Variants in G6PC2 observed in about 807,000 individuals in gnomAD.
G6PC2 encodes the protein glucose-6-phosphatase 2.
Under a neutral mutation model 35.4 loss-of-function variants are expected in G6PC2, and 41 were observed. The ratio of observed to expected loss-of-function variants is 1.16; its 90% CI spans 0.90 to 1.50. The LOEUF (loss-of-function observed/expected upper bound fraction) is 1.50, where lower values mean the gene tolerates loss of function less well. Ranked by LOEUF, G6PC2 falls within the 40% of genes most tolerant of loss-of-function variation. The pLI, the probability that G6PC2 is intolerant of heterozygous loss-of-function variation, is 0.00. For synonymous variants in G6PC2, 165 were observed against 153.2 expected (o/e 1.08, Z -0.57); for missense variants, 441 against 426.5 (o/e 1.03, Z -0.30).
In G6PC2 at chr2:168,908,276, A is replaced by T. The variant is rs1690769793; in HGVS notation, c.*197A>T. 5.0e-6 allele frequency: 3 copies of T among 604,158 alleles called. No homozygotes were observed. Among genetic ancestry groups the T allele is most frequent in the Non-Finnish European group, 8.8e-6 (3 of 340,898 alleles). 37.4% of individuals were successfully genotyped at this position (604,158 alleles called of 1,614,324 possible). On this transcript the variant is annotated 3_prime_UTR_variant, in exon 5 of 5. Transcript: ENST00000375363. ...TAATCCTTCAGTTACCAATATTTAG[A>T]TACAAGAATATTTGACATAAAAATC...
In G6PC2 at chr2:168,909,778, A is replaced by C. The variant is rs888461808; in HGVS notation, c.*1699A>C. On this transcript the variant is annotated 3_prime_UTR_variant, in exon 5 of 5. Transcript: ENST00000375363. ...CATTAATTATTTTAGATGACATATT[A>C]AATAATCTATGAATATTAATGAAAA... The C allele has an allele frequency of 6.6e-6, 1 of 152,228 alleles. No individual in the cohort carries two copies. Among genetic ancestry groups the C allele is most frequent in the Non-Finnish European group, 1.5e-5 (1 of 68,042 alleles). The allele number at this position is 152,228 out of a possible 1,614,324, so 9.4% of individuals were successfully genotyped here.
intron 4 of G6PC2, 142 bp from the exon 5 acceptor site, chr2:168,907,426 A>AT: frequency 1.2e-6 from 1 of 857,352 alleles, no homozygotes. Flanking sequence ...TGCCTAAAAA[A>AT]GGCTTTGGAA....
intron 3 of G6PC2, among the ~76,000 whole-genome samples, 157 bp from the exon 4 acceptor site, chr2:168,906,507 T>G (rs1234654726): frequency 1.3e-5 from 2 of 152,226 alleles, no homozygotes; most frequent in Non-Finnish European, 2.9e-5. Flanking sequence ...CTATGGGGTA[T>G]GTGGAAACAA....
Position 168,907,873 on chromosome 2 carries a change from T to G in G6PC2, c.862T>G (p.Tyr288Asp). Residue 288 changes from tyrosine to aspartate, a missense_variant, in exon 5 of 5, where the codon TAC becomes GAC. Physicochemically the swap from Tyr to Asp is radical, Grantham distance 160. Coordinates refer to ENST00000375363, the MANE Select transcript of G6PC2 (RefSeq NM_021176.3). Reference protein sequence around the residue: ...FLLSCRGGNNYTLSFRLLCAL... With the variant: ...FLLSCRGGNNDTLSFRLLCAL... ...CCTGAGCTGCCGAGGGGGAAATAAC[T>G]ACACACTGAGCTTCCGGTTGCTCTG... 6.2e-7 allele frequency: 1 copy of G among 1,613,828 alleles called. No individual in the cohort carries two copies. The highest frequency in any genetic ancestry group is 8.5e-7 in the Non-Finnish European group (1 of 1,179,728).
rs1468872585 is a variant in G6PC2 at position 168,901,317 on chromosome 2, T to G, written c.-15T>G. 1.4e-6 allele frequency: 2 copies of G among 1,413,238 alleles called. No homozygotes were observed. The highest frequency in any genetic ancestry group is 2.3e-5 in the South Asian group (2 of 87,184). The allele number at this position is 1,413,238 out of a possible 1,614,324, so 87.5% of individuals were successfully genotyped here. ...GCTCCAATTGCTCTATGTTTAGAAT[T>G]GCCTCTTTTTCAAGATGGATTTCCT... is the stretch of plus-strand genomic sequence containing the variant. On this transcript the variant is annotated 5_prime_UTR_variant, in exon 1 of 5. The change creates a new upstream start codon in the 5' untranslated region. Coordinates refer to ENST00000375363, the MANE Select transcript of G6PC2 (RefSeq NM_021176.3).
chr2:168,904,770 C>T (rs1480028422), intron 3 of G6PC2, among the ~76,000 whole-genome samples, 154 bp downstream of exon 3: 1 of 152,116 alleles, frequency 6.6e-6, no homozygotes, highest in African/African-American at 2.4e-5. Context: ...GAATAGAAAA[C>T]TAATATTTTG....
chr2:168,902,908 G>A (rs1179894969), intron 2 of G6PC2: 1 of 314,616 alleles, frequency 3.2e-6, no homozygotes, highest in African/African-American at 2.2e-5. Context: ...TGGTTAATCT[G>A]CTGCTAAGCA....
Position 168,908,582 on chromosome 2 carries a change from A to AT in G6PC2, c.*503_*504insT. 1 of 202,592 alleles carries AT rather than the reference A, an allele frequency of 4.9e-6. No individual in the cohort carries two copies. The highest frequency in any genetic ancestry group is 2.4e-5 in the African/African-American group (1 of 42,456). 12.5% of individuals were successfully genotyped at this position (202,592 alleles called of 1,614,324 possible). ...AAATGGAAGCCTATTTAGGTAAAAG[A>AT]ACTTGCCTGGAGTCACGCCACCTTC... On this transcript the variant is annotated 3_prime_UTR_variant, in exon 5 of 5. Transcript: ENST00000375363.
chr2:168,907,934 A>G lies in G6PC2; in HGVS notation c.923A>G (p.His308Arg). Residue 308 changes from histidine (H) to arginine (R), a missense_variant, in exon 5 of 5, where the codon CAT (histidine) becomes CGT (arginine). Transcript: ENST00000375363. ...TCATTGACAATACTGCAGCTCTACC[A>G]TTTCCTCCAGATCCCGACTCACGAA... Reference protein sequence around the residue: ...LTSLTILQLYHFLQIPTHEEH... With the variant: ...LTSLTILQLYRFLQIPTHEEH... The G allele has an allele frequency of 1.2e-6, 2 of 1,613,992 alleles. No homozygotes were observed. Among genetic ancestry groups the G allele is most frequent in the Non-Finnish European group, 1.7e-6 (2 of 1,179,972 alleles).
In G6PC2 at chr2:168,907,862, G is replaced by T. The variant is rs1282045935; in HGVS notation, c.851G>T (p.Gly284Val). The T allele has an allele frequency of 3.1e-6, 5 of 1,613,904 alleles. No homozygotes were observed. The highest frequency in any genetic ancestry group is 4.2e-6 in the Non-Finnish European group (5 of 1,179,926). Residue 284 changes from glycine (G) to valine (V), a missense_variant, in exon 5 of 5, where the codon GGG becomes GTG. Physicochemically the swap from Gly to Val is moderately radical, Grantham distance 109. Coordinates refer to ENST00000375363, the MANE Select transcript of G6PC2 (RefSeq NM_021176.3). ...GAGATGTTCCTCCTGAGCTGCCGAG[G>T]GGGAAATAACTACACACTGAGCTTC... ...NSEMFLLSCR[G>V]GNNYTLSFRL...
chr2:168,904,104 G>GT, intron 2 of G6PC2, among the ~76,000 whole-genome samples: 1 of 151,708 alleles, frequency 6.6e-6, no homozygotes, highest in Non-Finnish European at 1.5e-5. Context: ...AGTAATTGCG[G>GT]TTTTTGCCAT....
Position 168,901,306 on chromosome 2 carries a change from A to G in G6PC2, c.-26A>G, listed in dbSNP as rs767677848. ...AGAGCACTTCAGCTCCAATTGCTCTATGTTTAGAATTGCCTCTTTTTCAAG... is the reference window on the plus strand; with the variant it reads ...AGAGCACTTCAGCTCCAATTGCTCTGTGTTTAGAATTGCCTCTTTTTCAAG... On this transcript the variant is annotated 5_prime_UTR_variant, in exon 1 of 5. The change abolishes an upstream ATG in the 5' untranslated region. Coordinates refer to ENST00000375363, the MANE Select transcript of G6PC2 (RefSeq NM_021176.3). 2.3e-6 allele frequency: 3 copies of G among 1,282,070 alleles called. No homozygotes were observed. The highest frequency in any genetic ancestry group is 2.9e-5 in the African/African-American group (2 of 68,742). 79.4% of individuals were successfully genotyped at this position (1,282,070 alleles called of 1,614,324 possible).
intron 1 of G6PC2, among the ~76,000 whole-genome samples, 199 bp downstream of exon 1, chr2:168,901,748 T>A (rs958421233): frequency 6.6e-6 from 1 of 151,794 alleles, no homozygotes; most frequent in Non-Finnish European, 1.5e-5. Context: ...TTTTTTTTTT[T>A]TTTTTGAGAC....
chr2:168,906,719 A>G lies in G6PC2; in HGVS notation c.496A>G (p.Ile166Val), dbSNP rs888480597. The G allele has an allele frequency of 6.2e-7, 1 of 1,608,258 alleles. No homozygotes were observed. The highest frequency in any genetic ancestry group is 8.5e-7 in the Non-Finnish European group (1 of 1,174,642). Residue 166 changes from isoleucine to valine, a missense_variant, in exon 4 of 5, where the codon ATC becomes GTC. Transcript: ENST00000375363. ...VFWLIQISVC[I>V]SRVFIATHFP... Reference sequence around the variant, plus strand: ...TTGGTTGATTCAAATCAGTGTCTGCATCTCCAGAGTATTCATAGCAACACA... The same window carrying G: ...TTGGTTGATTCAAATCAGTGTCTGCGTCTCCAGAGTATTCATAGCAACACA...
At chr2:168,905,761 CTGAG>C (rs1402503108) in intron 3 of G6PC2, among the ~76,000 whole-genome samples, 1 of 152,100 alleles carries the variant, frequency 6.6e-6, no homozygotes, top group Non-Finnish European at 1.5e-5. Context: ...TAAAATTTTA[CTGAG>C]TGTGTGCTTC....
rs761866606 is a variant in G6PC2 at position 168,906,666 on chromosome 2, T to C, written c.443T>C (p.Leu148Pro). 6.6e-7 allele frequency: 1 copy of C among 1,520,464 alleles called. No homozygotes were observed. The highest frequency in any genetic ancestry group is 1.1e-5 in the South Asian group (1 of 89,154). The allele number at this position is 1,520,464 out of a possible 1,614,324, so 94.2% of individuals were successfully genotyped here. A position where few individuals can be genotyped will look rare whatever the true frequency, so the allele number is the denominator to read the frequency against. The part of the protein sequence containing the change: ...MDKFSITLHR[L>P]TWSFLWSVFW... ...TTGTATCTATTCTTCCATCGTAGACTGACCTGGTCATTTCTTTGGAGTGTT... is the reference window on the plus strand; with the variant it reads ...TTGTATCTATTCTTCCATCGTAGACCGACCTGGTCATTTCTTTGGAGTGTT... Residue 148 changes from leucine to proline, a missense_variant and splice_region_variant, in exon 4 of 5, where the codon CTG (leucine) becomes CCG (proline). Leu to Pro is a moderately conservative substitution (Grantham distance 98, BLOSUM62 -3). Transcript: ENST00000375363.
chr2:168,907,520 G>C, intron 4 of G6PC2, 48 bp from the exon 5 acceptor site: 1 of 1,571,848 alleles, frequency 6.4e-7, no homozygotes, highest in Non-Finnish European at 8.8e-7. Flanking sequence ...GATCCTCGAG[G>C]GGCTCAAGGG....
In G6PC2 at chr2:168,909,804, C is replaced by T. The variant is rs546829559; in HGVS notation, c.*1725C>T. The T allele has an allele frequency of 2.6e-5, 4 of 152,166 alleles. No individual in the cohort carries two copies. The highest frequency in any genetic ancestry group is 9.6e-5 in the African/African-American group (4 of 41,524). 9.4% of individuals were successfully genotyped at this position (152,166 alleles called of 1,614,324 possible). On this transcript the variant is annotated 3_prime_UTR_variant, in exon 5 of 5. Transcript: ENST00000375363. ...AATAATCTATGAATATTAATGAAAA[C>T]AATACAGTTGAAGTGAGTGTTGTTT...
At chr2:168,903,770 T>A (rs1320053847) in intron 2 of G6PC2, among the ~76,000 whole-genome samples, 3 of 152,186 alleles carry the variant, frequency 2.0e-5, no homozygotes, top group African/African-American at 7.2e-5. Flanking sequence ...TTGAATGAAC[T>A]ACCAGGTGAA....
Sources: allele counts gnomAD v4.1 joint callset (sites outside exome capture counted in the v4.1 genomes callset), GRCh38; gene constraint gnomAD v4.1.1; transcripts MANE v1.5; gene names NCBI Gene and HGNC (gene_info 2026-07-23, HGNC 2026-07-21).